RASGRF2: variants seen among roughly 807,000 people sequenced by gnomAD.
RASGRF2 encodes ras-specific guanine nucleotide-releasing factor 2.
Under a neutral mutation model 151.0 loss-of-function variants are expected in RASGRF2, and 76 were observed. That is an observed-to-expected ratio of 0.50 (90% CI 0.42 to 0.61). The LOEUF is 0.61. Ranked by LOEUF, RASGRF2 falls within the 20% of genes least tolerant of loss-of-function variation. RASGRF2 has a pLI of 0.00. For missense variants in RASGRF2, 1,148 were observed against 1,564.6 expected, an observed-to-expected ratio of 0.73 and a Z score of 4.49; for synonymous variants, 504 against 566.5, an observed-to-expected ratio of 0.89 and a Z score of 1.57.
In RASGRF2 at chr5:81,128,014, T is replaced by C. The variant is rs116529912; in HGVS notation, c.2686+851T>C. 1.9e-3 allele frequency among the ~76,000 whole-genome samples: 286 copies of C among 151,630 alleles called. 2 individuals carry two copies. The highest frequency in any genetic ancestry group is 6.4e-3 in the African/African-American group (263 of 41,292). On this transcript the variant is annotated intron_variant, in intron 17 of 26. Transcript: ENST00000265080. ...ATGGATGAACCTGAAGGACATTATG[T>C]TACCTGAAATAAGCCAGGCACAGAA...
In RASGRF2 at chr5:81,038,483, T is replaced by C. The variant is rs937940967; in HGVS notation, c.289-4394T>C. ...TTTTAAAATTTATTAATCATTTCTG[T>C]CTCATCGTCTGGGTATGGTGTGTTC... On this transcript the variant is annotated intron_variant, in intron 1 of 26. Transcript: ENST00000265080. 2.6e-5 allele frequency among the ~76,000 whole-genome samples: 4 copies of C among 152,136 alleles called. No individual in the cohort carries two copies. The South Asian group carries it at 8.3e-4, about 32-fold the overall frequency.
intron 17 of RASGRF2, among the ~76,000 whole-genome samples, chr5:81,176,533 G>A (rs950449508): frequency 6.6e-6 from 1 of 152,136 alleles, no homozygotes; most frequent in African/African-American, 2.4e-5. Flanking sequence ...TGATGGAGGG[G>A]TGGGGTGGGG....
chr5:81,217,572 T>TC lies in RASGRF2; in HGVS notation c.3552+99_3552+100insC. The TC allele has an allele frequency of 1.5e-4, 72 of 492,738 alleles. 1 individual carries two copies. Among genetic ancestry groups the TC allele is most frequent in the Admixed American group, 3.5e-4 (6 of 17,068 alleles). The allele number at this position is 492,738 out of a possible 1,614,324, so 30.5% of individuals were successfully genotyped here. On this transcript the variant is annotated intron_variant, in intron 25 of 26. Transcript: ENST00000265080. ...TCAATGTCTGCTTTTTTTTTTTCTC[T>TC]TCTTTTTTTTTTTTTTTTTTTTTTT...
At chr5:81,157,156 G>T (rs1443196343) in intron 17 of RASGRF2, among the ~76,000 whole-genome samples, 2 of 151,886 alleles carry the variant, frequency 1.3e-5, no homozygotes, top group Non-Finnish European at 2.9e-5. Context: ...ACGAGGTCAG[G>T]AGATCGAGAC....
intron 19 of RASGRF2, among the ~76,000 whole-genome samples, chr5:81,204,606 T>C (rs1447956444): frequency 6.6e-6 from 1 of 152,192 alleles, no homozygotes; most frequent in African/African-American, 2.4e-5. Context: ...ATTTCTAAAA[T>C]ACCATCTCTC....
At chr5:80,996,966 T>G (rs1748903860) in intron 1 of RASGRF2, among the ~76,000 whole-genome samples, 1 of 152,158 alleles carries the variant, frequency 6.6e-6, no homozygotes, top group Admixed American at 6.5e-5. Context: ...TTGAGGCACA[T>G]GATAAAAATT....
At chr5:81,128,865 G>A (rs1046436785) in intron 17 of RASGRF2, among the ~76,000 whole-genome samples, 9 of 152,182 alleles carry the variant, frequency 5.9e-5, no homozygotes, top group African/African-American at 1.2e-4. Context: ...AGGGCTGGGC[G>A]TGGTGGCTTA....
In RASGRF2 at chr5:81,190,003, C is replaced by T. The variant is rs889862350; in HGVS notation, c.2793+9722C>T. The stretch of plus-strand genomic sequence containing the variant: ...CTGGGATTACAGGCGTGAGCCACTA[C>T]GCCCGACACACTTTTATGTCAGTCT... On this transcript the variant is annotated intron_variant, in intron 18 of 26. Coordinates refer to ENST00000265080, the MANE Select transcript of RASGRF2 (RefSeq NM_006909.3). Among the ~76,000 whole-genome samples the T allele has an allele frequency of 5.9e-5, 9 of 152,320 alleles. No homozygotes were observed. In the East Asian group the frequency reaches 9.6e-4, roughly 16 times the overall value.
At chr5:81,024,249 ATTTTTTT>A (rs397884951) in intron 1 of RASGRF2, among the ~76,000 whole-genome samples, 16 of 71,692 alleles carry the variant, frequency 2.2e-4, no homozygotes, top group South Asian at 1.6e-3. Context: ...TATTCATATA[ATTTTTTT>A]TTTTTTTTTT....
chr5:81,188,063 A>T (rs140712675), intron 18 of RASGRF2, among the ~76,000 whole-genome samples: 1 of 152,074 alleles, frequency 6.6e-6, no homozygotes, highest in Non-Finnish European at 1.5e-5. Flanking sequence ...AGCTGCTGTC[A>T]CCTCTCCTGA....
intron 15 of RASGRF2, among the ~76,000 whole-genome samples, chr5:81,117,316 G>A (rs184337134): frequency 4.6e-5 from 7 of 152,330 alleles, no homozygotes; most frequent in Admixed American, 2.6e-4. Context: ...TGGAGGTTGG[G>A]AAGTTCAAGA....
chr5:81,149,025 A>G (rs1224029777), intron 17 of RASGRF2, among the ~76,000 whole-genome samples: 2 of 152,188 alleles, frequency 1.3e-5, no homozygotes, highest in African/African-American at 4.8e-5. Context: ...TGAAAAGGGG[A>G]CTCTTACACT....
At chr5:81,052,374 G>A (rs1580255553) in intron 2 of RASGRF2, among the ~76,000 whole-genome samples, 2 of 152,070 alleles carry the variant, frequency 1.3e-5, no homozygotes, top group Admixed American at 6.5e-5. Flanking sequence ...AAGGATTATC[G>A]ACAACTTTCC....
chr5:80,962,125 T>G (rs1437625113), intron 1 of RASGRF2, among the ~76,000 whole-genome samples: 1 of 152,172 alleles, frequency 6.6e-6, no homozygotes, highest in East Asian at 1.9e-4. Context: ...TAAAACAATG[T>G]GTAAAATTAA....
In RASGRF2 at chr5:81,113,541, A is replaced by T. The variant is rs1753060541; in HGVS notation, c.2091A>T (p.Ser697=). 1.9e-6 allele frequency: 3 copies of T among 1,607,356 alleles called. No homozygotes were observed. The highest frequency in any genetic ancestry group is 2.6e-6 in the Non-Finnish European group (3 of 1,174,422). ...KRPFTSIPVR[S]LELFFATSQN... The stretch of plus-strand genomic sequence containing the variant: ...CCACTTTTGCTCTCATTTTTAGGTC[A>T]TTGGAATTGTTTTTTGCTACCAGCC... The change falls in exon 15 of 27, where the codon TCA becomes TCT. Residue 697 remains serine, a synonymous_variant. Coordinates refer to ENST00000265080, the MANE Select transcript of RASGRF2 (RefSeq NM_006909.3).
At chr5:81,024,878 C>T (rs182242844) in intron 1 of RASGRF2, among the ~76,000 whole-genome samples, 1 of 152,336 alleles carries the variant, frequency 6.6e-6, no homozygotes, top group Admixed American at 6.5e-5. Flanking sequence ...AAAGCGAAAG[C>T]TTCTCCCATC....
intron 16 of RASGRF2, among the ~76,000 whole-genome samples, chr5:81,124,345 T>C (rs1343863321): frequency 6.6e-6 from 1 of 151,480 alleles, no homozygotes; most frequent in Admixed American, 6.6e-5. Flanking sequence ...AGTTCCATCA[T>C]TGCATTGCAT....
At chr5:81,074,801 T>A (rs1751888204) in intron 5 of RASGRF2, among the ~76,000 whole-genome samples, 1 of 152,158 alleles carries the variant, frequency 6.6e-6, no homozygotes, top group Non-Finnish European at 1.5e-5. Context: ...TTGAAGTTCC[T>A]GGAGGAAGAG....
intron 1 of RASGRF2, among the ~76,000 whole-genome samples, chr5:80,967,704 T>G (rs1222426836): frequency 1.3e-5 from 2 of 152,154 alleles, no homozygotes; most frequent in Admixed American, 6.5e-5. Context: ...TTCTTTCAAA[T>G]AGAGGGACTG....
Sources: gnomAD v4.1 joint callset for allele counts (sites outside exome capture counted in the v4.1 genomes callset) on GRCh38, gnomAD v4.1.1 for gene constraint, MANE v1.5 for transcripts, NCBI Gene and HGNC (gene_info 2026-07-23, HGNC 2026-07-21) for gene names.